The following PPP1R3F variants were observed in gnomAD, a reference collection of about 807,000 sequenced individuals.
PPP1R3F encodes the protein protein phosphatase 1, regulatory (inhibitor) subunit 3F.
In PPP1R3F, 29 loss-of-function variants were observed where a neutral mutation model predicts 24.2. The observed-to-expected ratio is 1.20, with a 90% CI of 0.89 to 1.63. The LOEUF (loss-of-function observed/expected upper bound fraction) is 1.63. PPP1R3F is among the 40% of genes most tolerant of loss of function. The pLI is 0.00. For synonymous variants in PPP1R3F, 363 were observed against 340.1 expected (o/e 1.07, Z -0.74); for missense variants, 823 against 729.3 (o/e 1.13, Z -1.48).
chrX:49,293,108 A>G (rs1320015063), intron 3 of PPP1R3F, among the ~76,000 whole-genome samples: 2 of 111,216 alleles, frequency 1.8e-5, no homozygotes, highest in Non-Finnish European at 3.8e-5. Context: ...CTGTGCCACT[A>G]TTCTTTCCTG....
intron 3 of PPP1R3F, among the ~76,000 whole-genome samples, chrX:49,297,588 A>G (rs2066326709): frequency 9.0e-6 from 1 of 110,897 alleles, no homozygotes; most frequent in South Asian, 3.8e-4. Flanking sequence ...TGACCTTGTG[A>G]TCTACCCGCC....
Position 49,269,903 on chromosome X carries a change from C to T in PPP1R3F, c.34C>T (p.Arg12Trp), listed in dbSNP as rs1165556525. 3.3e-6 allele frequency: 3 copies of T among 904,759 alleles called. No individual in the cohort carries two copies. The highest frequency in any genetic ancestry group is 2.1e-5 in the African/African-American group (1 of 47,575). The allele number at this position is 904,759 out of a possible 1,213,427, so 74.6% of individuals were successfully genotyped here. A position where few individuals can be genotyped will look rare whatever the true frequency, so the allele number is the denominator to read the frequency against. Residue 12 changes from arginine to tryptophan, a missense_variant, in exon 1 of 4, where the codon CGG (arginine) becomes TGG (tryptophan). Arg to Trp is a moderately radical substitution (Grantham distance 101). Transcript: ENST00000055335. ...ARTAPVEPPLRHSAPPSPAAG... is the reference protein window; with the variant it reads ...ARTAPVEPPLWHSAPPSPAAG... ...TACGGCCCCTGTGGAGCCCCCGCTG[C>T]GGCATTCCGCGCCCCCCTCGCCGGC...
Position 49,270,807 on chromosome X carries a change from A to G in PPP1R3F, c.938A>G (p.Glu313Gly). Residue 313 changes from glutamate (E) to glycine (G), a missense_variant, in exon 1 of 4, where the codon GAG becomes GGG. Glu to Gly is a moderately conservative substitution (Grantham distance 98). Transcript: ENST00000055335. Reference sequence around the variant, plus strand: ...CTGCCGCAGCTGGAGCCACAGCCCGAGTGCCAGGGTCCCGTGGAGGCTGAG... The same window carrying G: ...CTGCCGCAGCTGGAGCCACAGCCCGGGTGCCAGGGTCCCGTGGAGGCTGAG... ...QQLPQLEPQP[E>G]CQGPVEAEAR... 1 of 1,191,740 alleles carries G rather than the reference A, an allele frequency of 8.4e-7. No homozygotes were observed. Among genetic ancestry groups the G allele is most frequent in the Non-Finnish European group, 1.1e-6 (1 of 885,329 alleles).
In PPP1R3F at chrX:49,285,883, C is replaced by A; in HGVS notation, c.1193C>A (p.Pro398His). ...AACCCCGCAGAAGAAGGTGATGTCC[C>A]CAGAAGCAGTCCACCTGTGGCTTTT... Reference protein sequence around the residue: ...TGNPAEEGDVPRSSPPVAFTE... With the variant: ...TGNPAEEGDVHRSSPPVAFTE... Residue 398 changes from proline to histidine, a missense_variant, in exon 4 of 4, where the codon CCC becomes CAC. Coordinates refer to ENST00000055335, the MANE Select transcript of PPP1R3F (RefSeq NM_033215.5). 1 of 1,195,526 alleles carries A rather than the reference C, an allele frequency of 8.4e-7. No individual in the cohort carries two copies. Among genetic ancestry groups the A allele is most frequent in the Non-Finnish European group, 1.1e-6 (1 of 886,339 alleles).
chrX:49,294,720 C>T (rs1557122657), intron 3 of PPP1R3F, among the ~76,000 whole-genome samples: 1 of 107,861 alleles, frequency 9.3e-6, no homozygotes, highest in African/African-American at 3.4e-5. Context: ...ACCATCCTGG[C>T]TAACACGGTG....
chrX:49,291,359 G>A (rs782519611), downstream of PPP1R3F, among the ~76,000 whole-genome samples: 220 of 73,586 alleles, frequency 3.0e-3, 1 homozygote, highest in Non-Finnish European at 4.6e-3. Flanking sequence ...ACGGAGTCTC[G>A]CTCTTTCTCC....
chrX:49,284,781 G>A (rs782382735), intron 3 of PPP1R3F, among the ~76,000 whole-genome samples: 11 of 111,279 alleles, frequency 9.9e-5, no homozygotes, highest in African/African-American at 3.6e-4. Context: ...CCAAAGTGCT[G>A]GGATTACAGG....
intron 1 of PPP1R3F, among the ~76,000 whole-genome samples, chrX:49,279,898 A>G (rs1372308308): frequency 8.9e-6 from 1 of 112,482 alleles, no homozygotes; most frequent in African/African-American, 3.2e-5. Flanking sequence ...CCCACCTGAA[A>G]TGCACTCGGC....
chrX:49,288,358 A>G (rs1394385460), downstream of PPP1R3F, among the ~76,000 whole-genome samples: 1 of 112,436 alleles, frequency 8.9e-6, no homozygotes, highest in Non-Finnish European at 1.9e-5. Flanking sequence ...CTTGGTTTCC[A>G]AGATACCACA....
rs1557121588 is a variant in PPP1R3F, at chrX:49,286,544, C to T, written c.1854C>T (p.Leu618=). 4.1e-6 allele frequency: 5 copies of T among 1,209,887 alleles called. No individual in the cohort carries two copies. The highest frequency in any genetic ancestry group is 2.3e-4 in the Middle Eastern group (1 of 4,373). Residue 618 remains leucine (L), a synonymous_variant, in exon 4 of 4, where the codon CTC becomes CTT. Transcript: ENST00000055335. ...TAGCCACGATGGGAGATGTGTGGCT[C>T]CCATGGGCAGAGGGCTCAGGATGTG... ...SVVATMGDVW[L]PWAEGSGCDG...
In PPP1R3F at chrX:49,270,405, T is replaced by G. The variant is rs1557118816; in HGVS notation, c.536T>G (p.Val179Gly). Residue 179 changes from valine to glycine, a missense_variant, in exon 1 of 4, where the codon GTG becomes GGG. Coordinates refer to ENST00000055335, the MANE Select transcript of PPP1R3F (RefSeq NM_033215.5). ...RVLNRSFEKAVHVRASHDGWA... is the reference protein window; with the variant it reads ...RVLNRSFEKAGHVRASHDGWA... ...CTGAACCGCTCCTTCGAGAAGGCGG[T>G]GCACGTGCGGGCCTCACACGACGGC... The G allele has an allele frequency of 7.7e-6, 9 of 1,176,053 alleles. No individual in the cohort carries two copies. Among genetic ancestry groups the G allele is most frequent in the Non-Finnish European group, 1.0e-5 (9 of 883,524 alleles).
rs782719929 is a variant in PPP1R3F at position 49,270,770 on chromosome X, C to T, written c.901C>T (p.Gln301Ter). 4.9e-5 allele frequency: 59 copies of T among 1,194,137 alleles called. No individual in the cohort carries two copies. In the Admixed American group the frequency reaches 9.7e-4, roughly 20 times the overall value. Residue 301 changes from glutamine (Q) to a stop codon, truncating the protein, a stop_gained, in exon 1 of 4, where the codon CAG becomes TAG. Coordinates refer to ENST00000055335, the MANE Select transcript of PPP1R3F (RefSeq NM_033215.5). LOFTEE classifies it high-confidence loss of function. ...ACCCACTGATGCCGAAGGGCTGCCCCAGCAGCAGCAGCTGCCGCAGCTGGA... is the reference window on the plus strand; with the variant it reads ...ACCCACTGATGCCGAAGGGCTGCCCTAGCAGCAGCAGCTGCCGCAGCTGGA... ...PTPTDAEGLPQQQQLPQLEPQ... is the reference protein window; with the variant it reads ...PTPTDAEGLP
intron 2 of PPP1R3F, 86 bp from the exon 3 acceptor site, chrX:49,281,895 G>C (rs1180660656): frequency 4.2e-6 from 3 of 707,928 alleles, no homozygotes; most frequent in Non-Finnish European, 6.6e-6. Flanking sequence ...AAAACTGCCA[G>C]TTGGCTAGGA....
At chrX:49,284,190 C>G (rs1272506981) in intron 3 of PPP1R3F, among the ~76,000 whole-genome samples, 1 of 111,456 alleles carries the variant, frequency 9.0e-6, no homozygotes, top group Non-Finnish European at 1.9e-5. Context: ...CTAGTAGGAG[C>G]TTATTGAGAT....
chrX:49,294,965 A>C (rs782015835), intron 3 of PPP1R3F, among the ~76,000 whole-genome samples: 3 of 91,026 alleles, frequency 3.3e-5, no homozygotes, highest in African/African-American at 1.2e-4. Flanking sequence ...TTTTTGGTGG[A>C]TGCTTTATAT....
chrX:49,283,779 TATTA>T (rs1406566871), intron 3 of PPP1R3F, among the ~76,000 whole-genome samples: 10 of 111,225 alleles, frequency 9.0e-5, no homozygotes, highest in East Asian at 2.8e-4. Context: ...TTATTAATTA[TATTA>T]ATTAATGTAA....
intron 3 of PPP1R3F, among the ~76,000 whole-genome samples, chrX:49,300,300 A>G (rs1273536266): frequency 9.1e-6 from 1 of 110,138 alleles, no homozygotes; most frequent in Non-Finnish European, 1.9e-5. Context: ...CCGGTAAGGC[A>G]GTGCCCCACT....
intron 3 of PPP1R3F, among the ~76,000 whole-genome samples, chrX:49,299,861 C>T (rs940961362): frequency 4.5e-5 from 5 of 111,907 alleles, no homozygotes; most frequent in Non-Finnish European, 9.4e-5. Flanking sequence ...GCCCCTCCCC[C>T]CACCAAGCTT....
At chrX:49,277,334 T>TG (rs1217119478) in intron 1 of PPP1R3F, among the ~76,000 whole-genome samples, 1 of 112,314 alleles carries the variant, frequency 8.9e-6, no homozygotes, top group African/African-American at 3.2e-5. Context: ...CGTGCAGGCC[T>TG]GAGATGGCCC....
Sources: allele counts gnomAD v4.1 joint callset (sites outside exome capture counted in the v4.1 genomes callset), GRCh38; gene constraint gnomAD v4.1.1; transcripts MANE v1.5; gene names NCBI Gene and HGNC (gene_info 2026-07-23, HGNC 2026-07-21).